ARHGAP15: variants seen among roughly 807,000 people sequenced by gnomAD.
The protein encoded by ARHGAP15 is rho GTPase-activating protein 15.
In ARHGAP15, 51 loss-of-function variants were observed where a neutral mutation model predicts 63.7. The ratio of observed to expected loss-of-function variants is 0.80; its 90% CI spans 0.64 to 1.01. ARHGAP15 has a LOEUF of 1.01. Among genes scored for constraint, ARHGAP15 ranks in the 50% least tolerant of loss-of-function variants. The pLI, the probability that ARHGAP15 is intolerant of heterozygous loss-of-function variation, is 0.00. For missense variants in ARHGAP15, 560 were observed against 564.6 expected (o/e 0.99, Z 0.08); for synonymous variants, 191 against 193.8 (o/e 0.99, Z 0.12).
chr2:143,373,646 A>C (rs983718057), intron 6 of ARHGAP15, among the ~76,000 whole-genome samples: 11 of 148,876 alleles, frequency 7.4e-5, no homozygotes, highest in South Asian at 4.2e-4. Flanking sequence ...AAAAAAAAAA[A>C]AAAAAAAAAA....
intron 13 of ARHGAP15, among the ~76,000 whole-genome samples, chr2:143,748,761 G>C (rs913635153): frequency 6.6e-6 from 1 of 152,126 alleles, no homozygotes; most frequent in Admixed American, 6.6e-5. Flanking sequence ...CCATTGTCAG[G>C]AAGTTAAAAA....
intron 1 of ARHGAP15, among the ~76,000 whole-genome samples, chr2:143,135,135 T>C (rs1689085057): frequency 6.6e-6 from 1 of 152,178 alleles, no homozygotes; most frequent in Non-Finnish European, 1.5e-5. Flanking sequence ...AGCACTTTAA[T>C]GAGCGTGAAT....
At chr2:143,140,267 A>G (rs910068980) in intron 1 of ARHGAP15, among the ~76,000 whole-genome samples, 1 of 152,148 alleles carries the variant, frequency 6.6e-6, no homozygotes, top group Non-Finnish European at 1.5e-5. Flanking sequence ...GGAAGAAGAG[A>G]TAACTCTTTT....
At chr2:143,384,405 T>C (rs1278560702) in intron 6 of ARHGAP15, among the ~76,000 whole-genome samples, 3 of 152,152 alleles carry the variant, frequency 2.0e-5, no homozygotes, top group African/African-American at 7.2e-5. Context: ...AATAAGGTTT[T>C]CATACCTTCT....
Position 143,460,774 on chromosome 2 carries a change from A to G in ARHGAP15, c.703+23732A>G, listed in dbSNP as rs1338595984. On this transcript the variant is annotated intron_variant, in intron 8 of 13. Coordinates refer to ENST00000295095, the MANE Select transcript of ARHGAP15 (RefSeq NM_018460.4). ...TTGATAAGAAGAAAATGGGAAAATGAAGAGAAAGCTGAAACATTACCATTT... is the reference window on the plus strand; with the variant it reads ...TTGATAAGAAGAAAATGGGAAAATGGAGAGAAAGCTGAAACATTACCATTT... Among the ~76,000 whole-genome samples, 4 of 152,180 alleles carry G rather than the reference A, an allele frequency of 2.6e-5. 1 individual carries two copies. The highest frequency in any genetic ancestry group is 2.6e-4 in the Admixed American group (4 of 15,268).
intron 12 of ARHGAP15, among the ~76,000 whole-genome samples, chr2:143,690,236 T>G (rs576553348): frequency 6.3e-4 from 96 of 152,380 alleles, no homozygotes; most frequent in African/African-American, 2.2e-3. Flanking sequence ...GTCACTATGT[T>G]ACTCTCAGTC....
At chr2:143,257,394 C>T (rs904343543) in intron 6 of ARHGAP15, among the ~76,000 whole-genome samples, 5 of 152,098 alleles carry the variant, frequency 3.3e-5, no homozygotes, top group African/African-American at 1.2e-4. Flanking sequence ...AACTTGGCTT[C>T]TTCTGTTTCT....
chr2:143,346,337 TAAAG>T (rs1157379633), intron 6 of ARHGAP15, among the ~76,000 whole-genome samples: 7 of 151,776 alleles, frequency 4.6e-5, no homozygotes, highest in African/African-American at 9.7e-5. Context: ...TCTTCCAAAA[TAAAG>T]AGTTAATTTT....
At chr2:143,655,258 G>A (rs898060874) in intron 12 of ARHGAP15, among the ~76,000 whole-genome samples, 1 of 151,596 alleles carries the variant, frequency 6.6e-6, no homozygotes, top group African/African-American at 2.4e-5. Flanking sequence ...TCTATCCCTC[G>A]ACCCCCTCCC....
At chr2:143,153,533 T>C (rs1689919281) in intron 1 of ARHGAP15, among the ~76,000 whole-genome samples, 1 of 151,956 alleles carries the variant, frequency 6.6e-6, no homozygotes, top group Non-Finnish European at 1.5e-5. Flanking sequence ...TCGTGATTTA[T>C]TACTGAAGAA....
At position 143,487,501 on chromosome 2, in the gene ARHGAP15, G is replaced by T; in HGVS notation, c.826+6G>T. The stretch of plus-strand genomic sequence containing the variant: ...AGAAAAAGGACTTATTAAAGGTACA[G>T]GTCATTTTATACTTGTACTATAACT... On this transcript the variant is annotated splice_donor_region_variant and intron_variant, in intron 9 of 13. Transcript: ENST00000295095. The T allele has an allele frequency of 6.2e-7, 1 of 1,611,188 alleles. No individual in the cohort carries two copies. Among genetic ancestry groups the T allele is most frequent in the Non-Finnish European group, 8.5e-7 (1 of 1,179,080 alleles).
chr2:143,662,216 T>A (rs968569398), intron 12 of ARHGAP15, among the ~76,000 whole-genome samples: 8 of 152,012 alleles, frequency 5.3e-5, no homozygotes, highest in Non-Finnish European at 1.2e-4. Flanking sequence ...CAGCTGGAGA[T>A]CTGAGAACGG....
chr2:143,328,387 A>T (rs907655734), intron 6 of ARHGAP15, among the ~76,000 whole-genome samples: 1 of 152,242 alleles, frequency 6.6e-6, no homozygotes, highest in Non-Finnish European at 1.5e-5. Context: ...TGGCACATAT[A>T]CACCATGGAA....
At chr2:143,200,580 T>C (rs1419454096) in intron 2 of ARHGAP15, among the ~76,000 whole-genome samples, 2 of 151,990 alleles carry the variant, frequency 1.3e-5, no homozygotes, top group East Asian at 1.9e-4. Flanking sequence ...ATCCTCCTCA[T>C]GCCCCTTCTT....
intron 10 of ARHGAP15, among the ~76,000 whole-genome samples, chr2:143,536,873 C>A (rs1694794780): frequency 6.6e-6 from 1 of 152,092 alleles, no homozygotes; most frequent in Non-Finnish European, 1.5e-5. Context: ...ATTTATAATC[C>A]TTTGGGTATA....
chr2:143,674,017 T>A lies in ARHGAP15; in HGVS notation c.1139-29402T>A, dbSNP rs1173898191. Among the ~76,000 whole-genome samples the A allele has an allele frequency of 3.3e-5, 5 of 151,766 alleles. No individual in the cohort carries two copies. In the East Asian group the frequency reaches 9.7e-4, roughly 29 times the overall value. On this transcript the variant is annotated intron_variant, in intron 12 of 13. Coordinates refer to ENST00000295095, the MANE Select transcript of ARHGAP15 (RefSeq NM_018460.4). ...TAATGTGAAATATTGGTGAAAATAA[T>A]GAGCAACTGGAACTCTTGTACATTG...
At position 143,232,757 on chromosome 2, in the gene ARHGAP15, A is replaced by C. The variant is rs80159300; in HGVS notation, c.384+4089A>C. Among the ~76,000 whole-genome samples the C allele has an allele frequency of 1.1e-4, 17 of 152,260 alleles. No individual in the cohort carries two copies. The East Asian group carries it at 3.3e-3, about 29-fold the overall frequency. ...ATTTCATTGCCTTTCATTATTTTCA[A>C]ACCTATAGCTATATACCTTAAAAAT... On this transcript the variant is annotated intron_variant, in intron 5 of 13. Transcript: ENST00000295095.
intron 2 of ARHGAP15, among the ~76,000 whole-genome samples, chr2:143,184,536 A>G (rs1175157797): frequency 2.6e-5 from 4 of 152,156 alleles, no homozygotes; most frequent in Non-Finnish European, 4.4e-5. Flanking sequence ...GTTATCTAAT[A>G]TCTAGTTACT....
chr2:143,663,751 G>A (rs1417329591), intron 12 of ARHGAP15, among the ~76,000 whole-genome samples: 1 of 150,814 alleles, frequency 6.6e-6, no homozygotes, highest in East Asian at 1.9e-4. Flanking sequence ...ACAAAAAAAG[G>A]CAGGGGTTGC....
Sources: allele counts gnomAD v4.1 joint callset (sites outside exome capture counted in the v4.1 genomes callset), GRCh38; gene constraint gnomAD v4.1.1; transcripts MANE v1.5; gene names NCBI Gene and HGNC (gene_info 2026-07-23, HGNC 2026-07-21).